ANXA11: variants seen among roughly 807,000 people sequenced by gnomAD.
ANXA11 encodes the protein 56 kDa autoantigen.
In ANXA11, 57 loss-of-function variants were observed where a neutral mutation model predicts 64.7. The observed-to-expected ratio is 0.88, with a 90% confidence interval of 0.71 to 1.10. The LOEUF is 1.10. ANXA11 is among the 50% of genes least tolerant of loss of function. ANXA11 has a pLI of 0.00. For synonymous variants in ANXA11, 260 were observed against 265.2 expected (o/e 0.98, Z 0.19); for missense variants, 675 against 670.7 (o/e 1.01, Z -0.07).
At chr10:80,181,686 T>C (rs1419689440) in intron 1 of ANXA11, among the ~76,000 whole-genome samples, 5 of 152,126 alleles carry the variant, frequency 3.3e-5, no homozygotes. Flanking sequence ...AATAAGCATA[T>C]GAAAAGACGC....
rs774057075 is a variant in ANXA11, at chr10:80,163,417, C to T, written c.1030-12G>A. ...TCATCACGGTTTCCCTGAAAGGAAG[C>T]AGGTGTATGGTCATGCCCACTCCTT... On this transcript the variant is annotated splice_polypyrimidine_tract_variant and intron_variant, in intron 10 of 15. Coordinates refer to ENST00000422982, the MANE Select transcript of ANXA11 (RefSeq NM_145868.2). 1 of 1,613,984 alleles carries T rather than the reference C, an allele frequency of 6.2e-7. No individual in the cohort carries two copies. Among genetic ancestry groups the T allele is most frequent in the African/African-American group, 1.3e-5 (1 of 74,910 alleles).
intron 1 of ANXA11, among the ~76,000 whole-genome samples, chr10:80,178,296 G>A (rs942896876): frequency 2.6e-5 from 4 of 152,128 alleles, no homozygotes; most frequent in Non-Finnish European, 5.9e-5. Flanking sequence ...TTCCTTGCAT[G>A]GGGCAAGAGA....
rs1845185557 is a variant in ANXA11 at position 80,153,124 on chromosome 10, C to G, written c.*2729G>C. On this transcript the variant is annotated 3_prime_UTR_variant, in exon 16 of 16. Coordinates refer to ENST00000422982, the MANE Select transcript of ANXA11 (RefSeq NM_145868.2). ...CAAAGCACATCCATGTACTTTACAA[C>G]AGGTGGTCTCCAAGTGTGTAGACCA... 6.6e-6 allele frequency: 1 copy of G among 152,204 alleles called. No homozygotes were observed. 9.4% of individuals were successfully genotyped at this position (152,204 alleles called of 1,614,324 possible).
At chr10:80,185,504 T>G (rs1758793995) in intron 1 of ANXA11, among the ~76,000 whole-genome samples, 1 of 152,244 alleles carries the variant, frequency 6.6e-6, no homozygotes, top group Non-Finnish European at 1.5e-5. Context: ...ACTGCCAATT[T>G]GCAACAGCGT....
chr10:80,187,603 A>C (rs1156638935), intron 1 of ANXA11, among the ~76,000 whole-genome samples: 2 of 152,150 alleles, frequency 1.3e-5, no homozygotes, highest in African/African-American at 4.8e-5. Flanking sequence ...CCAAAAAGGG[A>C]AACAGTGGGT....
At chr10:80,180,525 C>T (rs1343656511) in intron 1 of ANXA11, among the ~76,000 whole-genome samples, 1 of 152,170 alleles carries the variant, frequency 6.6e-6, no homozygotes, top group Non-Finnish European at 1.5e-5. Context: ...AGTGACACCC[C>T]CTGCCCCTCA....
intron 15 of ANXA11, chr10:80,156,252 A>G (rs1445092170): frequency 2.5e-6 from 1 of 407,372 alleles, no homozygotes; most frequent in Non-Finnish European, 4.7e-6. Context: ...AATTGGGGTT[A>G]CCAATGTAAC....
chr10:80,176,560 A>C (rs1782950711), intron 1 of ANXA11, among the ~76,000 whole-genome samples: 1 of 152,204 alleles, frequency 6.6e-6, no homozygotes, highest in African/African-American at 2.4e-5. Flanking sequence ...GCCATTAAAC[A>C]ACTTTTAAAA....
intron 13 of ANXA11, among the ~76,000 whole-genome samples, chr10:80,158,475 G>A (rs1384601724): frequency 6.6e-6 from 1 of 152,132 alleles, no homozygotes; most frequent in African/African-American, 2.4e-5. Flanking sequence ...GGGACAGGCA[G>A]GGAAATGAGG....
chr10:80,168,989 G>A lies in ANXA11; in HGVS notation c.541C>T (p.Pro181Ser). Residue 181 changes from proline (P) to serine (S), a missense_variant, in exon 5 of 16, where the codon CCC becomes TCC. Transcript: ENST00000422982. ...CTCACCTGGGTTGGGGGCACAGCGG[G>A]GGTGACAGTCCCAGACCCCGGGTAT... ...PGYPGSGTVTPAVPPTQFGSR... is the reference protein window; with the variant it reads ...PGYPGSGTVTSAVPPTQFGSR... 1 of 1,538,526 alleles carries A rather than the reference G, an allele frequency of 6.5e-7. No individual in the cohort carries two copies. Among genetic ancestry groups the A allele is most frequent in the Non-Finnish European group, 8.7e-7 (1 of 1,148,390 alleles).
intron 12 of ANXA11, 70 bp downstream of exon 12, chr10:80,161,865 G>T: frequency 1.5e-6 from 2 of 1,356,504 alleles, no homozygotes; most frequent in African/African-American, 1.4e-5. Flanking sequence ...TGTTCCCATA[G>T]CTTTGTTTCC....
chr10:80,166,492 AC>A (rs971253587), intron 7 of ANXA11: 57 of 434,632 alleles, frequency 1.3e-4, no homozygotes, highest in African/African-American at 1.1e-3. Context: ...AAGATTCAAA[AC>A]CCCAGAAGTT....
At chr10:80,165,614 C>T (rs941642203) in intron 8 of ANXA11, among the ~76,000 whole-genome samples, 1 of 152,202 alleles carries the variant, frequency 6.6e-6, no homozygotes, top group Non-Finnish European at 1.5e-5. Flanking sequence ...TCAGGAGAGA[C>T]AGAGACCAGA....
intron 12 of ANXA11, among the ~76,000 whole-genome samples, chr10:80,160,798 C>T (rs1043390675): frequency 6.6e-6 from 1 of 152,166 alleles, no homozygotes; most frequent in Non-Finnish European, 1.5e-5. Context: ...CTCCCTGCAG[C>T]TCCACCCTAC....
chr10:80,183,121 T>C (rs1270374630), intron 1 of ANXA11, among the ~76,000 whole-genome samples: 2 of 152,174 alleles, frequency 1.3e-5, no homozygotes, highest in Non-Finnish European at 2.9e-5. Flanking sequence ...CTCCACACAG[T>C]GCCCTGTGAG....
At chr10:80,176,352 G>GTATGTACT (rs1846168472) in intron 1 of ANXA11, among the ~76,000 whole-genome samples, 197 bp from the exon 2 acceptor site, 3 of 152,220 alleles carry the variant, frequency 2.0e-5, no homozygotes, top group Admixed American at 2.0e-4. Context: ...GCAGTACTGT[G>GTATGTACT]TATGTACTAA....
chr10:80,201,302 T>C (rs1013519337), intron 1 of ANXA11, among the ~76,000 whole-genome samples: 2 of 152,156 alleles, frequency 1.3e-5, no homozygotes, highest in African/African-American at 2.4e-5. Context: ...TCTGGGCCCC[T>C]CTCAGGTCGC....
intron 1 of ANXA11, among the ~76,000 whole-genome samples, chr10:80,187,676 C>A (rs1449670349): frequency 1.3e-5 from 2 of 152,184 alleles, no homozygotes; most frequent in African/African-American, 4.8e-5. Context: ...TTTGTTTACC[C>A]ACTTCCGCAA....
rs749809198 is a variant in ANXA11 at position 80,157,732 on chromosome 10, C to A, written c.1367G>T (p.Arg456Leu). The A allele has an allele frequency of 1.9e-6, 3 of 1,613,726 alleles. No homozygotes were observed. The highest frequency in any genetic ancestry group is 2.5e-6 in the Non-Finnish European group (3 of 1,179,922). The change falls in exon 15 of 16, where the codon CGC (arginine) becomes CTC (leucine). Residue 456 changes from arginine (R) to leucine (L), a missense_variant. Coordinates refer to ENST00000422982, the MANE Select transcript of ANXA11 (RefSeq NM_145868.2). Reference protein sequence around the residue: ...GAGTKDRTLIRIMVSRSETDL... With the variant: ...GAGTKDRTLILIMVSRSETDL... The stretch of plus-strand genomic sequence containing the variant: ...GGTCTCGCTGCGAGACACCATGATG[C>A]GAATCAGGGTCCGGTCCTTTGTTCC...
Sources: allele counts gnomAD v4.1 joint callset (sites outside exome capture counted in the v4.1 genomes callset), GRCh38; gene constraint gnomAD v4.1.1; transcripts MANE v1.5; gene names NCBI Gene and HGNC (gene_info 2026-07-23, HGNC 2026-07-21).